ARHGAP25: variants seen among roughly 807,000 people sequenced by gnomAD.
ARHGAP25 encodes the protein rho GTPase-activating protein 25.
In ARHGAP25, 34 loss-of-function variants were observed where a neutral mutation model predicts 71.0. The ratio of observed to expected loss-of-function variants is 0.48; its 90% CI spans 0.36 to 0.64. The LOEUF (loss-of-function observed/expected upper bound fraction) is 0.64. Ranked by LOEUF, ARHGAP25 falls within the 30% of genes least tolerant of loss-of-function variation. ARHGAP25 has a pLI of 0.00. For missense variants in ARHGAP25, 706 were observed against 805.1 expected (o/e 0.88, Z 1.49); for synonymous variants, 282 against 296.5 (o/e 0.95, Z 0.50).
chr2:68,763,159 C>A (rs1676926905), intron 1 of ARHGAP25, among the ~76,000 whole-genome samples: 1 of 152,146 alleles, frequency 6.6e-6, no homozygotes. Flanking sequence ...TGTATTTGAT[C>A]ATCTTTCATG....
intron 1 of ARHGAP25, among the ~76,000 whole-genome samples, chr2:68,750,668 G>T (rs539098671): frequency 1.3e-5 from 2 of 152,152 alleles, no homozygotes; most frequent in African/African-American, 4.8e-5. Context: ...TGTGAGAGGC[G>T]TCTGTGTGTG....
At position 68,775,112 on chromosome 2, in the gene ARHGAP25, C is replaced by T. The variant is rs1405331069; in HGVS notation, c.62-109C>T. The T allele has an allele frequency of 9.4e-6, 15 of 1,591,992 alleles. No homozygotes were observed. The South Asian group carries it at 1.7e-4, about 18-fold the overall frequency. ...GGACCCCTGAACTGGACCTGGTTGTCGTCCCCCCGCTTCTCAGCCCCCTCT... is the reference window on the plus strand; with the variant it reads ...GGACCCCTGAACTGGACCTGGTTGTTGTCCCCCCGCTTCTCAGCCCCCTCT... On this transcript the variant is annotated intron_variant, in intron 1 of 10. Coordinates refer to ENST00000409202, the MANE Select transcript of ARHGAP25 (RefSeq NM_001007231.3).
At chr2:68,722,073 A>G (rs1185776681) in intron 2 of ARHGAP25, among the ~76,000 whole-genome samples, 2 of 152,228 alleles carry the variant, frequency 1.3e-5, no homozygotes, top group South Asian at 2.1e-4. Context: ...CTTTGTGGAC[A>G]GACAGCGTCC....
chr2:68,815,329 AT>A (rs1345274722), intron 6 of ARHGAP25, among the ~76,000 whole-genome samples: 2 of 151,788 alleles, frequency 1.3e-5, no homozygotes, highest in African/African-American at 2.4e-5. Context: ...AAGAAGGTCT[AT>A]ATCTACGGAA....
At chr2:68,745,574 T>C (rs1431625503) in intron 1 of ARHGAP25, among the ~76,000 whole-genome samples, 1 of 152,228 alleles carries the variant, frequency 6.6e-6, no homozygotes, top group Non-Finnish European at 1.5e-5. Flanking sequence ...TTAGTGCCTG[T>C]AACTGGACAG....
intron 2 of ARHGAP25, among the ~76,000 whole-genome samples, chr2:68,724,777 C>A (rs921802611): frequency 2.0e-5 from 3 of 152,098 alleles, no homozygotes; most frequent in African/African-American, 7.2e-5. Flanking sequence ...GCAAACGGGA[C>A]CTTCTCCTTT....
chr2:68,804,991 G>A (rs1023843449), intron 4 of ARHGAP25, among the ~76,000 whole-genome samples: 5 of 152,116 alleles, frequency 3.3e-5, no homozygotes, highest in African/African-American at 1.2e-4. Flanking sequence ...GGAAGGATTG[G>A]GATATTCAAG....
chr2:68,758,802 A>C (rs1341501563), intron 1 of ARHGAP25, among the ~76,000 whole-genome samples: 1 of 151,904 alleles, frequency 6.6e-6, no homozygotes, highest in Non-Finnish European at 1.5e-5. Flanking sequence ...AACAAAATAC[A>C]CATTCTTGTC....
intron 2 of ARHGAP25, among the ~76,000 whole-genome samples, chr2:68,778,991 T>C (rs4854515): frequency 0.32 from 48,406 of 152,068 alleles, 8,057 homozygotes; most frequent in Middle Eastern, 0.4. Flanking sequence ...TAGAGAGTTG[T>C]TTGTCAGGGA....
chr2:68,727,428 A>C (rs936165431), intron 2 of ARHGAP25, among the ~76,000 whole-genome samples: 2 of 152,198 alleles, frequency 1.3e-5, no homozygotes, highest in African/African-American at 4.8e-5. Context: ...TCTCCCAGGA[A>C]TGTAAAGGTT....
intron 4 of ARHGAP25, among the ~76,000 whole-genome samples, chr2:68,802,560 G>A (rs1446016663): frequency 6.6e-6 from 1 of 152,066 alleles, no homozygotes; most frequent in Non-Finnish European, 1.5e-5. Flanking sequence ...GCCTAGGAGA[G>A]TACCTGGCAC....
At chr2:68,790,279 C>T (rs1181224835) in intron 4 of ARHGAP25, among the ~76,000 whole-genome samples, 3 of 152,174 alleles carry the variant, frequency 2.0e-5, no homozygotes, top group African/African-American at 4.8e-5. Context: ...CATGAGCCAC[C>T]GTGCCCAGCC....
intron 4 of ARHGAP25, among the ~76,000 whole-genome samples, chr2:68,793,191 A>T (rs1329634962): frequency 6.6e-6 from 1 of 152,142 alleles, no homozygotes; most frequent in Non-Finnish European, 1.5e-5. Flanking sequence ...TATCATATGC[A>T]TAGTTTGCAG....
At chr2:68,796,796 G>T (rs1051911593) in intron 4 of ARHGAP25, among the ~76,000 whole-genome samples, 3 of 152,118 alleles carry the variant, frequency 2.0e-5, no homozygotes, top group African/African-American at 7.2e-5. Flanking sequence ...GGGCTTTTTT[G>T]GATGCTGATT....
rs927893906 is a variant in ARHGAP25 at position 68,787,707 on chromosome 2, A to G, written c.350-133A>G. 3 of 725,822 alleles carry G rather than the reference A, an allele frequency of 4.1e-6. No individual in the cohort carries two copies. The African/African-American group carries it at 5.2e-5, about 13-fold the overall frequency. The allele number at this position is 725,822 out of a possible 1,614,324, so 45.0% of individuals were successfully genotyped here. On this transcript the variant is annotated intron_variant, in intron 3 of 10. Transcript: ENST00000409202. ...CAGTTCCACTGAGGATAATTCGACA[A>G]TGCATTTGTGTTGTTTGGCTGGTAG...
At chr2:68,737,151 G>T (rs1418818131) in intron 1 of ARHGAP25, among the ~76,000 whole-genome samples, 1 of 152,132 alleles carries the variant, frequency 6.6e-6, no homozygotes, top group Non-Finnish European at 1.5e-5. Context: ...ACTACAGTAG[G>T]ATGCATTTAT....
intron 3 of ARHGAP25, among the ~76,000 whole-genome samples, chr2:68,783,770 C>CT (rs1678521178): frequency 6.6e-6 from 1 of 152,088 alleles, no homozygotes; most frequent in South Asian, 2.1e-4. Context: ...GCCTCCCTTG[C>CT]TTTTTCATCT....
intron 1 of ARHGAP25, among the ~76,000 whole-genome samples, chr2:68,738,443 G>A (rs1055259065): frequency 1.3e-5 from 2 of 152,118 alleles, no homozygotes; most frequent in African/African-American, 4.8e-5. Flanking sequence ...TTTGTTTGAT[G>A]TTCAGCTTTC....
chr2:68,745,080 A>G lies in ARHGAP25; in HGVS notation c.61+9820A>G, dbSNP rs112570255. 6.0e-3 allele frequency among the ~76,000 whole-genome samples: 911 copies of G among 152,368 alleles called. 13 individuals carry two copies. The highest frequency in any genetic ancestry group is 0.021 in the African/African-American group (871 of 41,578). ...CTTTGAGAATGAGGCCCCTAAAGGC[A>G]GATGAGCCTGGGTTTGATTTCCAGC... On this transcript the variant is annotated intron_variant, in intron 1 of 10. Transcript: ENST00000409202.
Sources: allele counts gnomAD v4.1 joint callset (sites outside exome capture counted in the v4.1 genomes callset), GRCh38; gene constraint gnomAD v4.1.1; transcripts MANE v1.5; gene names NCBI Gene and HGNC (gene_info 2026-07-23, HGNC 2026-07-21).